Variants in SVOPL observed in about 807,000 individuals in gnomAD.
The protein encoded by SVOPL is putative transporter SVOPL.
In SVOPL, 60 loss-of-function variants were observed where a neutral mutation model predicts 61.0. The ratio of observed to expected loss-of-function variants is 0.98; its 90% CI spans 0.80 to 1.22. The LOEUF (loss-of-function observed/expected upper bound fraction) is 1.22. SVOPL is among the 50% of genes most tolerant of loss of function. The pLI, the probability that SVOPL is intolerant of heterozygous loss-of-function variation, is 0.00. For missense variants in SVOPL, 662 were observed against 643.9 expected (o/e 1.03, Z -0.30); for synonymous variants, 279 against 250.0 (o/e 1.12, Z -1.09).
chr7:138,655,910 T>C (rs142197334), intron 7 of SVOPL, among the ~76,000 whole-genome samples: 138 of 152,316 alleles, frequency 9.1e-4, no homozygotes, highest in African/African-American at 3.2e-3. Flanking sequence ...TGGCACAGTT[T>C]GGGAGAATTG....
chr7:138,659,085 C>A (rs34089083), intron 6 of SVOPL, among the ~76,000 whole-genome samples: 14,214 of 152,228 alleles, frequency 0.093, 780 homozygotes, highest in Non-Finnish European at 0.12. Flanking sequence ...TTCTCTGAAG[C>A]TGGCTACCTG....
intron 4 of SVOPL, chr7:138,664,332 C>G: frequency 1.4e-6 from 1 of 733,616 alleles, no homozygotes; most frequent in Non-Finnish European, 1.7e-6. Context: ...ATCGGACACA[C>G]CCCTGGCCCT....
intron 11 of SVOPL, among the ~76,000 whole-genome samples, chr7:138,627,840 G>A (rs923581283): frequency 1.3e-5 from 2 of 151,922 alleles, no homozygotes; most frequent in African/African-American, 4.8e-5. Flanking sequence ...ATCATTTTAT[G>A]TCTACTAAAA....
chr7:138,698,084 G>A (rs1457171182), intron 1 of SVOPL, among the ~76,000 whole-genome samples: 1 of 151,146 alleles, frequency 6.6e-6, no homozygotes, highest in East Asian at 2.0e-4. Context: ...AGAAAGGAAG[G>A]AGGGAAGGGA....
chr7:138,668,268 T>G (rs1802325520), intron 4 of SVOPL, among the ~76,000 whole-genome samples: 1 of 152,062 alleles, frequency 6.6e-6, no homozygotes, highest in Non-Finnish European at 1.5e-5. Flanking sequence ...AAAACTCTGC[T>G]CCCCAAATGC....
At chr7:138,647,847 CAAA>C (rs33996391) in intron 8 of SVOPL, among the ~76,000 whole-genome samples, 24 of 102,686 alleles carry the variant, frequency 2.3e-4, no homozygotes, top group South Asian at 3.3e-4. Flanking sequence ...GACTCCGTTT[CAAA>C]AAAAAAAAAA....
intron 1 of SVOPL, among the ~76,000 whole-genome samples, chr7:138,700,409 G>A (rs1051330513): frequency 6.9e-6 from 1 of 144,784 alleles, no homozygotes; most frequent in Non-Finnish European, 1.5e-5. Context: ...TGTGATCTTG[G>A]CTCACTGCAA....
rs1563095741 is a variant in SVOPL, at chr7:138,621,930, G to GTATC, written c.1264-799_1264-796dup. The stretch of plus-strand genomic sequence containing the variant: ...TGTATCTATCTATGTATCTATCTAT[G>GTATC]TATCTATCTATCTATGTATCTATCT... On this transcript the variant is annotated intron_variant, in intron 13 of 15. Transcript: ENST00000674285. Among the ~76,000 whole-genome samples, 6 of 15,486 alleles carry GTATC rather than the reference G, an allele frequency of 3.9e-4. 1 individual carries two copies. The highest frequency in any genetic ancestry group is 6.6e-3 in the South Asian group (2 of 302). 10.2% of individuals were successfully genotyped at this position (15,486 alleles called of 152,430 possible).
intron 13 of SVOPL, among the ~76,000 whole-genome samples, chr7:138,622,543 G>C (rs1465696117): frequency 6.6e-6 from 1 of 152,068 alleles, no homozygotes; most frequent in African/African-American, 2.4e-5. Flanking sequence ...CTGACCTCAG[G>C]TGATCTGCCT....
rs112166420 is a variant in SVOPL at position 138,674,218 on chromosome 7, C to T, written c.175-2101G>A. On this transcript the variant is annotated intron_variant, in intron 3 of 15. Transcript: ENST00000674285. The stretch of plus-strand genomic sequence containing the variant: ...AAACACATACACACACACACACACA[C>T]ATACACAGAAGACCAGGACTTAGGA... Among the ~76,000 whole-genome samples, 5 of 145,690 alleles carry T rather than the reference C, an allele frequency of 3.4e-5. No individual in the cohort carries two copies. The Middle Eastern group carries it at 0.011, about 310-fold the overall frequency.
At chr7:138,660,347 T>A in intron 5 of SVOPL, 2 of 1,003,218 alleles carry the variant, frequency 2.0e-6, no homozygotes, top group Non-Finnish European at 2.4e-6. Flanking sequence ...AAGGAGAACA[T>A]TTAAGGTATT....
At position 138,644,862 on chromosome 7, in the gene SVOPL, A is replaced by G. The variant is rs1285980404; in HGVS notation, c.661-17T>C. ...AGGAATAAACTGGGTAGAGATTACA[A>G]AGAACATCAGAGTGGCCACTGCTAT... On this transcript the variant is annotated splice_polypyrimidine_tract_variant and intron_variant, in intron 8 of 15. Coordinates refer to ENST00000674285, the MANE Select transcript of SVOPL (RefSeq NM_001139456.2). 6.2e-7 allele frequency: 1 copy of G among 1,614,156 alleles called. No homozygotes were observed. The highest frequency in any genetic ancestry group is 1.1e-5 in the South Asian group (1 of 91,086).
intron 7 of SVOPL, among the ~76,000 whole-genome samples, chr7:138,650,455 A>G (rs995026019): frequency 6.6e-6 from 1 of 151,888 alleles, no homozygotes; most frequent in Admixed American, 6.6e-5. Context: ...AAGACATTCA[A>G]GTAACTATCG....
chr7:138,626,800 C>G (rs573184560), intron 12 of SVOPL, among the ~76,000 whole-genome samples: 1 of 151,568 alleles, frequency 6.6e-6, no homozygotes, highest in Non-Finnish European at 1.5e-5. Flanking sequence ...GAGCTGAGAT[C>G]GCACCACTGC....
At chr7:138,611,888 G>A (rs1265510271) in intron 14 of SVOPL, among the ~76,000 whole-genome samples, 25 of 70,098 alleles carry the variant, frequency 3.6e-4, no homozygotes, top group Non-Finnish European at 4.6e-4. Context: ...ACCCCGTCTG[G>A]GAGGTGTGCC....
At chr7:138,669,091 C>T (rs551079295) in intron 4 of SVOPL, among the ~76,000 whole-genome samples, 3 of 152,320 alleles carry the variant, frequency 2.0e-5, no homozygotes, top group South Asian at 4.1e-4. Flanking sequence ...CTTGCTCCTT[C>T]GCCCTCAAGC....
At chr7:138,675,561 G>A (rs911688087) in intron 3 of SVOPL, among the ~76,000 whole-genome samples, 2 of 152,016 alleles carry the variant, frequency 1.3e-5, no homozygotes, top group Admixed American at 1.3e-4. Flanking sequence ...TTGCCATGTT[G>A]ATAAGATTGG....
chr7:138,651,492 T>A (rs983147191), intron 7 of SVOPL, among the ~76,000 whole-genome samples: 15 of 152,346 alleles, frequency 9.8e-5, no homozygotes, highest in Non-Finnish European at 1.9e-4. Context: ...AATTTTTTTT[T>A]AACAAATTGA....
rs143599875 is a variant in SVOPL, at chr7:138,644,722, C to T, written c.784G>A (p.Val262Ile). The T allele has an allele frequency of 1.2e-5, 20 of 1,613,922 alleles. No individual in the cohort carries two copies. The highest frequency in any genetic ancestry group is 2.7e-5 in the African/African-American group (2 of 74,928). ...VMPEGKLVEP[V>I]LEKRGRFADL... The stretch of plus-strand genomic sequence containing the variant: ...CCTCGGGGGCCAGCACTCACCAGGA[C>T]GGGCTCCACCAGCTTCCCCTCCGGC... Residue 262 changes from valine to isoleucine, a missense_variant, in exon 9 of 16, where the codon GTC becomes ATC. Coordinates refer to ENST00000674285, the MANE Select transcript of SVOPL (RefSeq NM_001139456.2).
Sources: gnomAD v4.1 joint callset for allele counts (sites outside exome capture counted in the v4.1 genomes callset) on GRCh38, gnomAD v4.1.1 for gene constraint, MANE v1.5 for transcripts, NCBI Gene and HGNC (gene_info 2026-07-23, HGNC 2026-07-21) for gene names.